EIF4G3: variants seen among roughly 807,000 people sequenced by gnomAD.
EIF4G3 encodes eukaryotic translation initiation factor 4 gamma 3, also known as eIF-4-gamma 3.
EIF4G3 carries 34 observed loss-of-function variants against 186.4 expected under a neutral mutation model. The observed-to-expected ratio is 0.18, with a 90% CI of 0.14 to 0.24. The LOEUF is 0.24. Ranked by LOEUF, EIF4G3 falls within the 10% of genes least tolerant of loss-of-function variation. EIF4G3 has a pLI of 1.00. For missense variants in EIF4G3, 1,536 were observed against 1,948.5 expected (o/e 0.79, Z 3.99); for synonymous variants, 673 against 679.5 (o/e 0.99, Z 0.15).
chr1:20,811,691 G>A (rs1417292116), intron 35 of EIF4G3, among the ~76,000 whole-genome samples: 1 of 152,092 alleles, frequency 6.6e-6, no homozygotes. Flanking sequence ...CATAAAAAAA[G>A]GTAAGTGAGG....
chr1:21,146,020 A>G (rs976057998), intron 2 of EIF4G3, among the ~76,000 whole-genome samples: 11 of 152,154 alleles, frequency 7.2e-5, no homozygotes, highest in African/African-American at 2.7e-4. Flanking sequence ...AACTCAGCCC[A>G]GGAGTTCGAG....
chr1:20,815,413 G>C (rs1452589852), intron 34 of EIF4G3, among the ~76,000 whole-genome samples: 1 of 144,528 alleles, frequency 6.9e-6, no homozygotes, highest in Non-Finnish European at 1.5e-5. Flanking sequence ...CGTCTGAGTG[G>C]GGAGCGCCTC....
At chr1:20,885,202 T>C (rs2083720950) in intron 19 of EIF4G3, among the ~76,000 whole-genome samples, 1 of 152,156 alleles carries the variant, frequency 6.6e-6, no homozygotes, top group African/African-American at 2.4e-5. Flanking sequence ...GATCCCCTGC[T>C]CTCTGAGGTT....
intron 3 of EIF4G3, among the ~76,000 whole-genome samples, chr1:21,056,981 A>G (rs2154578144): frequency 6.6e-6 from 1 of 152,346 alleles, no homozygotes; most frequent in South Asian, 2.1e-4. Flanking sequence ...ATGCCCGAGA[A>G]ACATTTTTGC....
intron 8 of EIF4G3, among the ~76,000 whole-genome samples, chr1:20,981,506 ATAC>A (rs1327810440): frequency 1.2e-5 from 1 of 83,360 alleles, no homozygotes; most frequent in African/African-American, 3.4e-5. Flanking sequence ...GTATACGCAC[ATAC>A]TGTATATATA....
intron 7 of EIF4G3, among the ~76,000 whole-genome samples, chr1:20,987,631 A>C (rs2079885898): frequency 6.6e-6 from 1 of 152,182 alleles, no homozygotes; most frequent in South Asian, 2.1e-4. Flanking sequence ...GCACCCATAG[A>C]AGACAGCAAA....
chr1:21,136,011 G>A (rs1341817876), intron 2 of EIF4G3, among the ~76,000 whole-genome samples: 6 of 147,714 alleles, frequency 4.1e-5, no homozygotes, highest in African/African-American at 1.5e-4. Flanking sequence ...GTGAAACCCC[G>A]TCTCTACTAA....
Position 20,997,630 on chromosome 1 carries a change from C to A in EIF4G3, c.148G>T (p.Ala50Ser). 2 of 1,540,122 alleles carry A rather than the reference C, an allele frequency of 1.3e-6. No individual in the cohort carries two copies. Among genetic ancestry groups the A allele is most frequent in the Admixed American group, 2.0e-5 (1 of 49,380 alleles). Residue 50 changes from alanine to serine, a missense_variant, in exon 7 of 37, where the codon GCA (alanine) becomes TCA (serine). Ala to Ser is a moderately conservative substitution (Grantham distance 99). Around this residue, in one of 11 missense-constraint regions of EIF4G3, gnomAD observed 194 missense variants for 212.8 expected, o/e 0.91. Transcript: ENST00000602326. Reference protein sequence around the residue: ...GRGWIKYCIFAAGPRPPHHQG... With the variant: ...GRGWIKYCIFSAGPRPPHHQG... ...TGATGGGGAGGTCGAGGCCCCGCTG[C>A]AAACTGAGAAAAGGAGGGAAAACAA...
chr1:20,943,412 C>G (rs1241863846), intron 13 of EIF4G3, among the ~76,000 whole-genome samples: 1 of 152,066 alleles, frequency 6.6e-6, no homozygotes, highest in Non-Finnish European at 1.5e-5. Flanking sequence ...CAGAAAAACA[C>G]AAGGAACAAT....
intron 3 of EIF4G3, among the ~76,000 whole-genome samples, chr1:21,087,581 G>C (rs1401297599): frequency 2.6e-5 from 4 of 152,170 alleles, no homozygotes; most frequent in African/African-American, 9.7e-5. Context: ...GACTGCTTGA[G>C]CTCGGGAGTC....
chr1:20,943,974 TTGTGTGTGTGTGTGTG>T (rs1163268356), intron 13 of EIF4G3, among the ~76,000 whole-genome samples: 73 of 62,534 alleles, frequency 1.2e-3, no homozygotes, highest in African/African-American at 3.7e-3. Flanking sequence ...TTTATTTTTT[TTGTGTGTGTGTGTGTG>T]TGTGTGTGTG....
intron 3 of EIF4G3, among the ~76,000 whole-genome samples, chr1:21,060,662 A>G (rs1212192847): frequency 1.3e-5 from 2 of 152,152 alleles, no homozygotes; most frequent in South Asian, 2.1e-4. Context: ...CTGCAGTCCC[A>G]GCTACTTGGG....
chr1:21,009,887 T>C (rs976687802), intron 4 of EIF4G3, among the ~76,000 whole-genome samples: 2 of 151,946 alleles, frequency 1.3e-5, no homozygotes, highest in African/African-American at 4.8e-5. Flanking sequence ...ACTCCTGACC[T>C]TGTGATCTGC....
chr1:21,107,891 C>A (rs1449438827), intron 2 of EIF4G3, among the ~76,000 whole-genome samples: 1 of 152,204 alleles, frequency 6.6e-6, no homozygotes, highest in African/African-American at 2.4e-5. Flanking sequence ...CTTGTGCCTG[C>A]GATCCCAGAA....
intron 2 of EIF4G3, among the ~76,000 whole-genome samples, chr1:21,142,786 T>C (rs1195534210): frequency 3.9e-5 from 6 of 152,028 alleles, no homozygotes; most frequent in Non-Finnish European, 8.8e-5. Flanking sequence ...AAATGTTGAG[T>C]GCAGCATGGT....
chr1:21,082,199 T>A (rs145784879), intron 3 of EIF4G3, among the ~76,000 whole-genome samples: 132 of 149,528 alleles, frequency 8.8e-4, no homozygotes, highest in African/African-American at 3.2e-3. Flanking sequence ...AAAAGCATAA[T>A]CTTTGTGTAA....
chr1:20,990,916 T>C (rs890963814), intron 7 of EIF4G3, among the ~76,000 whole-genome samples: 1 of 152,204 alleles, frequency 6.6e-6, no homozygotes, highest in East Asian at 1.9e-4. Flanking sequence ...CTTCAGTATA[T>C]AGGTCAGCCT....
chr1:20,948,030 G>A (rs2096045677), intron 13 of EIF4G3, among the ~76,000 whole-genome samples: 1 of 152,118 alleles, frequency 6.6e-6, no homozygotes, highest in African/African-American at 2.4e-5. Flanking sequence ...CAAAGTATGT[G>A]ATAAATTTTT....
At chr1:20,827,887 G>GT (rs34303992) in intron 31 of EIF4G3, among the ~76,000 whole-genome samples, 189 bp from the exon 32 acceptor site, 3,962 of 152,152 alleles carry the variant, frequency 0.026, 168 homozygotes, top group African/African-American at 0.089. Flanking sequence ...TGAGTTCTTG[G>GT]TTTTTACCTT....
Sources: gnomAD v4.1 joint callset for allele counts (sites outside exome capture counted in the v4.1 genomes callset) on GRCh38, gnomAD v4.1.1 for gene constraint, gnomAD v4.1.1 regional missense constraint, MANE v1.5 for transcripts, NCBI Gene and HGNC (gene_info 2026-07-23, HGNC 2026-07-21) for gene names.